Variants in DGKI observed in about 807,000 individuals in gnomAD.
DGKI encodes DAG kinase iota.
A neutral mutation model predicts 147.5 loss-of-function variants in DGKI; 55 were observed. The ratio of observed to expected loss-of-function variants is 0.37; its 90% CI spans 0.30 to 0.47. The LOEUF is 0.47. Among genes scored for constraint, DGKI ranks in the 20% least tolerant of loss-of-function variants. The pLI is 1.00. For synonymous variants in DGKI, 469 were observed against 477.1 expected (o/e 0.98, Z 0.22); for missense variants, 1,007 against 1,323.8 (o/e 0.76, Z 3.71).
intron 1 of DGKI, among the ~76,000 whole-genome samples, chr7:137,706,762 C>A (rs755342958): frequency 6.6e-6 from 1 of 151,706 alleles, no homozygotes; most frequent in Non-Finnish European, 1.5e-5. Context: ...TTAGTAGAGA[C>A]GGGGTTTCAC....
At chr7:137,394,135 A>T (rs1357013826) in intron 32 of DGKI, among the ~76,000 whole-genome samples, 1 of 152,074 alleles carries the variant, frequency 6.6e-6, no homozygotes, top group Non-Finnish European at 1.5e-5. Context: ...GTCTACCGAG[A>T]GTGTTCTAAA....
intron 29 of DGKI, 137 bp from the exon 30 acceptor site, chr7:137,408,132 G>T (rs753295841): frequency 3.0e-6 from 3 of 993,606 alleles, no homozygotes; most frequent in Non-Finnish European, 4.4e-6. Flanking sequence ...AGTCAAAAAG[G>T]TGAAGTAACA....
chr7:137,427,285 T>G (rs375799211), intron 28 of DGKI, among the ~76,000 whole-genome samples: 1 of 152,162 alleles, frequency 6.6e-6, no homozygotes, highest in South Asian at 2.1e-4. Flanking sequence ...CTGAACAACC[T>G]GCTCCTGAAT....
intron 12 of DGKI, among the ~76,000 whole-genome samples, chr7:137,588,820 A>G (rs1819508337): frequency 6.6e-6 from 1 of 152,140 alleles, no homozygotes; most frequent in South Asian, 2.1e-4. Flanking sequence ...AAAGTCCTTT[A>G]ATGAATTATT....
chr7:137,700,917 AT>A (rs1347684540), intron 1 of DGKI, among the ~76,000 whole-genome samples: 2 of 129,142 alleles, frequency 1.5e-5, no homozygotes, highest in African/African-American at 5.3e-5. Context: ...AAATAAATAA[AT>A]AAATAAAATA....
At chr7:137,446,742 A>G (rs1275247026) in intron 27 of DGKI, among the ~76,000 whole-genome samples, 1 of 152,140 alleles carries the variant, frequency 6.6e-6, no homozygotes, top group Non-Finnish European at 1.5e-5. Context: ...AGAAAGAAAG[A>G]AAGAGAGAGA....
At chr7:137,831,606 G>A (rs1798222039) in intron 1 of DGKI, among the ~76,000 whole-genome samples, 1 of 152,190 alleles carries the variant, frequency 6.6e-6, no homozygotes, top group Non-Finnish European at 1.5e-5. Context: ...CAACATGTGG[G>A]AGTTATGGGA....
chr7:137,425,262 G>A lies in DGKI; in HGVS notation c.2762-13055C>T, dbSNP rs189580636. On this transcript the variant is annotated intron_variant, in intron 28 of 32. Coordinates refer to ENST00000614521, the MANE Select transcript of DGKI (RefSeq NM_001321708.2). ...TCACGAAAATCTGCTGTTCTGCAGC[G>A]ACTGCTGCTGATACCCAGGCAAACA... Among the ~76,000 whole-genome samples the A allele has an allele frequency of 6.6e-5, 10 of 152,294 alleles. No individual in the cohort carries two copies. The East Asian group carries it at 7.7e-4, about 12-fold the overall frequency.
At position 137,383,609 on chromosome 7, in the gene DGKI, C is replaced by G. The variant is rs996648951; in HGVS notation, c.*7611G>C. 4 of 151,904 alleles carry G rather than the reference C, an allele frequency of 2.6e-5. No individual in the cohort carries two copies. Among genetic ancestry groups the G allele is most frequent in the African/African-American group, 9.7e-5 (4 of 41,380 alleles). The allele number at this position is 151,904 out of a possible 1,614,324, so 9.4% of individuals were successfully genotyped here. ...CTCTGAGTTAGTTGTTCAATCTTCACTTAACTACTAGAAGAAACAGTGATA... is the reference window on the plus strand; with the variant it reads ...CTCTGAGTTAGTTGTTCAATCTTCAGTTAACTACTAGAAGAAACAGTGATA... On this transcript the variant is annotated 3_prime_UTR_variant, in exon 33 of 33. Transcript: ENST00000614521.
rs1372977545 is a variant in DGKI, at chr7:137,382,450, G to A, written c.*8770C>T. 2.6e-5 allele frequency: 4 copies of A among 152,000 alleles called. No individual in the cohort carries two copies. The highest frequency in any genetic ancestry group is 6.6e-5 in the Admixed American group (1 of 15,222). 9.4% of individuals were successfully genotyped at this position (152,000 alleles called of 1,614,324 possible). A position where few individuals can be genotyped will look rare whatever the true frequency, so the allele number is the denominator to read the frequency against. Reference sequence around the variant, plus strand: ...CAAAAACCACCTCGTCCTTTGGAAAGCTCCATTAAAAAGTTCTTCTATTAG... The same window carrying A: ...CAAAAACCACCTCGTCCTTTGGAAAACTCCATTAAAAAGTTCTTCTATTAG... On this transcript the variant is annotated 3_prime_UTR_variant, in exon 33 of 33. Coordinates refer to ENST00000614521, the MANE Select transcript of DGKI (RefSeq NM_001321708.2).
At chr7:137,814,140 G>A (rs943718223) in intron 1 of DGKI, among the ~76,000 whole-genome samples, 4 of 152,122 alleles carry the variant, frequency 2.6e-5, no homozygotes, top group Admixed American at 2.6e-4. Flanking sequence ...TACAGTGATG[G>A]ATGAAGGTGA....
chr7:137,623,698 C>T, intron 6 of DGKI, 144 bp from the exon 7 acceptor site: 1 of 656,096 alleles, frequency 1.5e-6, no homozygotes, highest in South Asian at 1.8e-5. Flanking sequence ...TTGCAAAGGC[C>T]ACATTGAGCA....
chr7:137,609,528 C>T lies in DGKI; in HGVS notation c.1068+7G>A. On this transcript the variant is annotated splice_region_variant and intron_variant, in intron 9 of 32. Coordinates refer to ENST00000614521, the MANE Select transcript of DGKI (RefSeq NM_001321708.2). ...AATTCCTCAGAATAAAACTCTGAAA[C>T]ACTTACTTCCATCCCTCTTTTACTG... The T allele has an allele frequency of 6.2e-7, 1 of 1,604,218 alleles. No individual in the cohort carries two copies. The highest frequency in any genetic ancestry group is 8.5e-7 in the Non-Finnish European group (1 of 1,171,314).
intron 1 of DGKI, among the ~76,000 whole-genome samples, chr7:137,833,000 C>T (rs1018118430): frequency 2.0e-5 from 3 of 152,190 alleles, no homozygotes; most frequent in African/African-American, 7.2e-5. Flanking sequence ...CAACAAGTTC[C>T]TTGTCTCCAC....
chr7:137,497,250 T>A (rs764635900), intron 21 of DGKI, among the ~76,000 whole-genome samples: 3 of 152,140 alleles, frequency 2.0e-5, no homozygotes, highest in Non-Finnish European at 4.4e-5. Flanking sequence ...AGATGCCATC[T>A]CACACCAGTC....
intron 8 of DGKI, among the ~76,000 whole-genome samples, chr7:137,615,631 G>A (rs1203255008): frequency 8.0e-5 from 12 of 150,632 alleles, no homozygotes; most frequent in South Asian, 4.2e-4. Flanking sequence ...CAAATTTTCC[G>A]TTAGTCACTT....
At chr7:137,697,394 GTTTTA>G (rs1028771218) in intron 1 of DGKI, among the ~76,000 whole-genome samples, 4 of 152,082 alleles carry the variant, frequency 2.6e-5, no homozygotes, top group African/African-American at 9.7e-5. Context: ...ATCTGACCAA[GTTTTA>G]TTTAACTCAC....
At chr7:137,498,100 T>C (rs1585172723) in intron 21 of DGKI, among the ~76,000 whole-genome samples, 1 of 151,406 alleles carries the variant, frequency 6.6e-6, no homozygotes, top group Non-Finnish European at 1.5e-5. Flanking sequence ...ATACAAAGAA[T>C]ATGAAGGAAA....
chr7:137,661,579 C>G (rs1322516081), intron 3 of DGKI, among the ~76,000 whole-genome samples: 1 of 152,156 alleles, frequency 6.6e-6, no homozygotes, highest in African/African-American at 2.4e-5. Flanking sequence ...CTTTCTCCCC[C>G]ATGGTTTCTC....
Sources: allele counts gnomAD v4.1 joint callset (sites outside exome capture counted in the v4.1 genomes callset), GRCh38; gene constraint gnomAD v4.1.1; transcripts MANE v1.5; gene names NCBI Gene and HGNC (gene_info 2026-07-23, HGNC 2026-07-21).